GUF1: variants seen among roughly 807,000 people sequenced by gnomAD.
GUF1 encodes the protein translation factor GUF1, mitochondrial.
GUF1 carries 78 observed loss-of-function variants against 82.4 expected under a neutral mutation model. The ratio of observed to expected loss-of-function variants is 0.95; its 90% CI spans 0.79 to 1.14. The LOEUF (loss-of-function observed/expected upper bound fraction) is 1.14, where lower values mean the gene tolerates loss of function less well. GUF1 is among the 50% of genes most tolerant of loss of function. The pLI is 0.00. For missense variants in GUF1, 814 were observed against 798.2 expected, an observed-to-expected ratio of 1.02 and a Z score of -0.24; for synonymous variants, 279 against 282.3, an observed-to-expected ratio of 0.99 and a Z score of 0.12.
intron 3 of GUF1, 103 bp downstream of exon 3, chr4:44,680,945 C>G (rs1427501491): frequency 1.7e-6 from 2 of 1,183,188 alleles, no homozygotes; most frequent in Admixed American, 4.3e-5. Context: ...AAACATCTGC[C>G]TTTGCTTTTT....
rs188198513 is a variant in GUF1 at position 44,680,503 on chromosome 4, C to T, written c.228C>T (p.His76=). The part of the protein sequence containing the change: ...ENIRNFSIVA[H]VDHGKSTLAD... ...TTAGAAATTTCAGTATTGTTGCACACGTGGATCATGGCAAAAGTACTTTAG... is the reference window on the plus strand; with the variant it reads ...TTAGAAATTTCAGTATTGTTGCACATGTGGATCATGGCAAAAGTACTTTAG... Residue 76 remains histidine, a synonymous_variant, in exon 2 of 17, where the codon CAC becomes CAT. Coordinates refer to ENST00000281543, the MANE Select transcript of GUF1 (RefSeq NM_021927.3). 15 of 1,609,682 alleles carry T rather than the reference C, an allele frequency of 9.3e-6. No individual in the cohort carries two copies. The East Asian group carries it at 1.8e-4, about 19-fold the overall frequency.
rs1715616924 is a variant in GUF1, at chr4:44,694,038, C to T, written c.1614-374C>T. On this transcript the variant is annotated intron_variant, in intron 13 of 16. Coordinates refer to ENST00000281543, the MANE Select transcript of GUF1 (RefSeq NM_021927.3). ...TTGTCATTGGTAATAGAAAGTTAAACAGAAACCCAACTCATGAATCTGAAA... is the reference window on the plus strand; with the variant it reads ...TTGTCATTGGTAATAGAAAGTTAAATAGAAACCCAACTCATGAATCTGAAA... 3 of 170,648 alleles carry T rather than the reference C, an allele frequency of 1.8e-5. 1 individual carries two copies. The highest frequency in any genetic ancestry group is 7.2e-5 in the African/African-American group (3 of 41,602). 10.6% of individuals were successfully genotyped at this position (170,648 alleles called of 1,614,324 possible).
Position 44,678,799 on chromosome 4 carries a change from C to T in GUF1, c.165+12C>T. On this transcript the variant is annotated intron_variant, in intron 1 of 16. Transcript: ENST00000281543. ...CCGCAGAATTCAAGGTGACTGCCCC[C>T]TGGAATCTGATTTAGCCAAGTTTTC... is the stretch of plus-strand genomic sequence containing the variant. 1 of 1,547,490 alleles carries T rather than the reference C, an allele frequency of 6.5e-7. No individual in the cohort carries two copies. The highest frequency in any genetic ancestry group is 8.7e-7 in the Non-Finnish European group (1 of 1,154,776).
chr4:44,679,384 G>A (rs1714635006), intron 1 of GUF1, among the ~76,000 whole-genome samples: 1 of 152,178 alleles, frequency 6.6e-6, no homozygotes. Flanking sequence ...GAGAGGGTGG[G>A]AGGTTCAACA....
chr4:44,680,213 ATG>A (rs1714682697), intron 1 of GUF1, among the ~76,000 whole-genome samples: 1 of 152,154 alleles, frequency 6.6e-6, no homozygotes, highest in Non-Finnish European at 1.5e-5. Context: ...TTGTGTAGAA[ATG>A]TTAAGGGATT....
At chr4:44,697,121 CA>C (rs1715876755) in intron 15 of GUF1, among the ~76,000 whole-genome samples, 1 of 152,136 alleles carries the variant, frequency 6.6e-6, no homozygotes, top group Non-Finnish European at 1.5e-5. Context: ...TAATCAAGGT[CA>C]CATCATGCTT....
chr4:44,687,712 T>G (rs1577770523), intron 8 of GUF1, among the ~76,000 whole-genome samples: 1 of 152,128 alleles, frequency 6.6e-6, no homozygotes, highest in East Asian at 1.9e-4. Context: ...TTGTACTTAC[T>G]AGTTTCACTG....
intron 7 of GUF1, among the ~76,000 whole-genome samples, chr4:44,686,261 T>C (rs975423667): frequency 5.9e-5 from 9 of 152,018 alleles, no homozygotes; most frequent in African/African-American, 2.2e-4. Flanking sequence ...TGACAATCAT[T>C]ATAAAATATA....
At chr4:44,684,863 T>C (rs1407885852) in intron 6 of GUF1, among the ~76,000 whole-genome samples, 1 of 152,142 alleles carries the variant, frequency 6.6e-6, no homozygotes, top group East Asian at 1.9e-4. Context: ...AGATAGCTTG[T>C]TGTCAGATAC....
chr4:44,687,908 G>A (rs933718685), intron 8 of GUF1, 99 bp from the exon 9 acceptor site: 13 of 1,053,456 alleles, frequency 1.2e-5, no homozygotes, highest in Non-Finnish European at 1.7e-5. Context: ...GGAAAGTTTG[G>A]AAAGTGTATG....
intron 14 of GUF1, among the ~76,000 whole-genome samples, chr4:44,695,115 A>C (rs1043239473): frequency 2.0e-5 from 3 of 152,148 alleles, no homozygotes; most frequent in Admixed American, 2.0e-4. Context: ...TATTTGTAAA[A>C]AAATTATAAA....
chr4:44,679,905 T>A (rs928792533), intron 1 of GUF1, among the ~76,000 whole-genome samples: 1 of 152,196 alleles, frequency 6.6e-6, no homozygotes, highest in Non-Finnish European at 1.5e-5. Flanking sequence ...AAGTTTTAAG[T>A]GATAAGTCTT....
chr4:44,693,259 T>C (rs989920069), intron 13 of GUF1, among the ~76,000 whole-genome samples: 3 of 152,064 alleles, frequency 2.0e-5, no homozygotes, highest in Admixed American at 2.0e-4. Context: ...TACCTATGTT[T>C]TCAATAGAGG....
In GUF1 at chr4:44,678,550, A is replaced by G; in HGVS notation, c.-73A>G. Reference sequence around the variant, plus strand: ...CTGTCCACCGGATCCTACGGGGGGTACCTTCGAAAAAAAACGGGCTATGCT... The same window carrying G: ...CTGTCCACCGGATCCTACGGGGGGTGCCTTCGAAAAAAAACGGGCTATGCT... On this transcript the variant is annotated 5_prime_UTR_variant, in exon 1 of 17. Transcript: ENST00000281543. 8.3e-7 allele frequency: 1 copy of G among 1,210,300 alleles called. No individual in the cohort carries two copies. The highest frequency in any genetic ancestry group is 1.1e-6 in the Non-Finnish European group (1 of 915,546). 75.0% of individuals were successfully genotyped at this position (1,210,300 alleles called of 1,614,324 possible).
At chr4:44,682,539 A>C (rs1289628304) in intron 5 of GUF1, 128 bp downstream of exon 5, 1 of 477,900 alleles carries the variant, frequency 2.1e-6, no homozygotes, top group East Asian at 3.5e-5. Flanking sequence ...GGTGGGATTT[A>C]TCTCTTTGAA....
chr4:44,682,027 T>G (rs1386710927), intron 4 of GUF1, among the ~76,000 whole-genome samples: 3 of 151,918 alleles, frequency 2.0e-5, no homozygotes, highest in Admixed American at 2.0e-4. Context: ...CATGGAAAAA[T>G]AGGTATCATA....
At chr4:44,682,074 AT>A in intron 4 of GUF1, 1 of 269,804 alleles carries the variant, frequency 3.7e-6, no homozygotes, top group Non-Finnish European at 6.9e-6. Context: ...AAGGCTTCCT[AT>A]CTCAAGCTTA....
At chr4:44,698,505 G>C (rs758507721) in intron 16 of GUF1, 39 bp from the exon 17 acceptor site, 1 of 1,506,644 alleles carries the variant, frequency 6.6e-7, no homozygotes, top group Non-Finnish European at 9.0e-7. Flanking sequence ...TTTCTCTTTA[G>C]AGTGACTTAG....
Position 44,678,788 on chromosome 4 carries a change from G to A in GUF1, c.165+1G>A. 6.4e-7 allele frequency: 1 copy of A among 1,550,480 alleles called. No homozygotes were observed. On this transcript the variant is annotated splice_donor_variant, in intron 1 of 16. Coordinates refer to ENST00000281543, the MANE Select transcript of GUF1 (RefSeq NM_021927.3). LOFTEE classifies it high-confidence loss of function. ...GCTCTACAGCTCCGCAGAATTCAAG[G>A]TGACTGCCCCCTGGAATCTGATTTA...
Sources: gnomAD v4.1 joint callset for allele counts (sites outside exome capture counted in the v4.1 genomes callset) on GRCh38, gnomAD v4.1.1 for gene constraint, MANE v1.5 for transcripts, NCBI Gene and HGNC (gene_info 2026-07-23, HGNC 2026-07-21) for gene names.